The following ZNF577 variants were observed in gnomAD, a reference collection of about 807,000 sequenced individuals.
ZNF577 encodes the protein zinc finger protein 577.
Under a neutral mutation model 13.9 loss-of-function variants are expected in ZNF577, and 14 were observed. The observed-to-expected ratio is 1.00, with a 90% CI of 0.66 to 1.57. The LOEUF (loss-of-function observed/expected upper bound fraction) is 1.57. ZNF577 is among the 40% of genes most tolerant of loss of function. The pLI is 0.00. For missense variants in ZNF577, 555 were observed against 579.2 expected (o/e 0.96, Z 0.43); for synonymous variants, 203 against 202.9 (o/e 1.00, Z 0.00).
intron 10 of ZNF577, among the ~76,000 whole-genome samples, chr19:51,808,770 G>C (rs7253457): frequency 0.031 from 4,732 of 152,322 alleles, 263 homozygotes; most frequent in African/African-American, 0.11. Context: ...TACATGAATA[G>C]CTCTTAAATC....
At chr19:51,830,489 G>A (rs1411096093) in intron 9 of ZNF577, among the ~76,000 whole-genome samples, 1 of 152,132 alleles carries the variant, frequency 6.6e-6, no homozygotes, top group Non-Finnish European at 1.5e-5. Context: ...TCTTATCAAG[G>A]ACAACAGTGA....
intron 10 of ZNF577, among the ~76,000 whole-genome samples, chr19:51,808,683 A>G (rs1239406505): frequency 6.6e-6 from 1 of 152,218 alleles, no homozygotes; most frequent in African/African-American, 2.4e-5. Context: ...AAGATCTATT[A>G]CTACAAGAGG....
At position 51,883,888 on chromosome 19, in the gene ZNF577, C is replaced by G. The variant is rs187573828; in HGVS notation, c.-219+2933G>C. Reference sequence around the variant, plus strand: ...AAGAGTTCAAGACCAGCCTGGCCAACAGGAAGAAACCCCATCTCTACAAAA... The same window carrying G: ...AAGAGTTCAAGACCAGCCTGGCCAAGAGGAAGAAACCCCATCTCTACAAAA... On this transcript the variant is annotated intron_variant, in intron 1 of 5. Coordinates refer to ENST00000638348, the MANE Select transcript of ZNF577 (RefSeq NM_001370449.1). Among the ~76,000 whole-genome samples the G allele has an allele frequency of 1.1e-3, 161 of 152,140 alleles. 1 individual carries two copies. The highest frequency in any genetic ancestry group is 3.6e-3 in the African/African-American group (150 of 41,516).
chr19:51,857,400 AAGAAAGAAAGAAAGAAAGAAAG>A (rs2084441678), intron 5 of ZNF577, among the ~76,000 whole-genome samples: 1 of 123,912 alleles, frequency 8.1e-6, no homozygotes, highest in Admixed American at 8.1e-5. Flanking sequence ...GAAAGAAAGA[AAGAAAGAAAGAAAGAAAGAAAG>A]AAAGAAAAGA....
chr19:51,853,951 G>T (rs545530405), intron 5 of ZNF577, among the ~76,000 whole-genome samples: 11 of 151,160 alleles, frequency 7.3e-5, no homozygotes, highest in Admixed American at 4.6e-4. Flanking sequence ...ATAGAAGAGC[G>T]AGATAGATTA....
chr19:51,850,679 T>C (rs1026545875), intron 5 of ZNF577, among the ~76,000 whole-genome samples: 3 of 152,198 alleles, frequency 2.0e-5, no homozygotes, highest in African/African-American at 7.2e-5. Context: ...ATGAGAGTAA[T>C]CATGGGTATC....
At chr19:51,865,163 C>A (rs1341009063), downstream of ZNF577, among the ~76,000 whole-genome samples, 1 of 152,146 alleles carries the variant, frequency 6.6e-6, no homozygotes, top group African/African-American at 2.4e-5. Context: ...ATGGCGCAAT[C>A]TCAGCTCACT....
intron 9 of ZNF577, among the ~76,000 whole-genome samples, chr19:51,835,228 T>C (rs1049110442): frequency 7.2e-5 from 11 of 151,934 alleles, no homozygotes; most frequent in Non-Finnish European, 1.6e-4. Flanking sequence ...AAAGGAACAT[T>C]ATTACAGAGA....
chr19:51,831,154 T>C (rs2084259040), intron 9 of ZNF577, among the ~76,000 whole-genome samples: 1 of 152,152 alleles, frequency 6.6e-6, no homozygotes, highest in Non-Finnish European at 1.5e-5. Context: ...CTCACTCTGT[T>C]GTCCAGGCTG....
chr19:51,806,508 G>A (rs962324785), intron 10 of ZNF577, among the ~76,000 whole-genome samples: 1 of 152,166 alleles, frequency 6.6e-6, no homozygotes, highest in Non-Finnish European at 1.5e-5. Flanking sequence ...AGTTTTGATT[G>A]AGGTGGTAGT....
At chr19:51,857,365 G>GGAAGGAAAGAAAGAAAGAAAGAAAGAAA (rs1338621079) in intron 5 of ZNF577, among the ~76,000 whole-genome samples, 3 of 93,296 alleles carry the variant, frequency 3.2e-5, no homozygotes, top group African/African-American at 1.4e-4. Context: ...AAAGAAGGAA[G>GGAAGGAAAGAAAGAAAGAAAGAAAGAAA]GAAAGAAAGA....
chr19:51,864,801 G>A (rs2084541568), downstream of ZNF577, among the ~76,000 whole-genome samples: 1 of 152,150 alleles, frequency 6.6e-6, no homozygotes. Flanking sequence ...CCATGAAATC[G>A]AAGAGGTCAC....
intron 4 of ZNF577, chr19:51,877,826 T>C (rs997046771): frequency 1.3e-5 from 2 of 158,104 alleles, no homozygotes; most frequent in African/African-American, 2.4e-5. Flanking sequence ...CATAGCAACA[T>C]GATTCACAAG....
chr19:51,852,433 C>T (rs1178523041), intron 5 of ZNF577, among the ~76,000 whole-genome samples: 1 of 152,208 alleles, frequency 6.6e-6, no homozygotes, highest in Admixed American at 6.5e-5. Context: ...TGTCATGAAC[C>T]TCCAGACAGC....
chr19:51,870,322 C>T lies in ZNF577; in HGVS notation c.*2210G>A, dbSNP rs1367847777. On this transcript the variant is annotated 3_prime_UTR_variant, in exon 6 of 6. Transcript: ENST00000638348. ...GATGCCAGACATGGTCAATTACTGA[C>T]TGGTAGATTGCTTTCTATTTCTTTA... Among the ~76,000 whole-genome samples, 2 of 152,180 alleles carry T rather than the reference C, an allele frequency of 1.3e-5. No individual in the cohort carries two copies. The highest frequency in any genetic ancestry group is 2.9e-5 in the Non-Finnish European group (2 of 68,034).
chr19:51,857,416 A>AAGAGAG, intron 5 of ZNF577, among the ~76,000 whole-genome samples: 3 of 123,390 alleles, frequency 2.4e-5, no homozygotes, highest in Middle Eastern at 7.9e-3. Flanking sequence ...GAAAGAAAGA[A>AAGAGAG]AGAAAGAAAG....
chr19:51,884,601 A>T lies in ZNF577; in HGVS notation c.-219+2220T>A, dbSNP rs1212557915. On this transcript the variant is annotated intron_variant, in intron 1 of 5. Transcript: ENST00000638348. The stretch of plus-strand genomic sequence containing the variant: ...TCACAGAAAAAGTGAAGCCTCTCTA[A>T]CAATTATATAAAACCAGCATTTCCA... Among the ~76,000 whole-genome samples the T allele has an allele frequency of 2.0e-5, 3 of 152,202 alleles. No homozygotes were observed. The East Asian group carries it at 5.8e-4, about 29-fold the overall frequency.
chr19:51,836,256 G>A (rs2084286652), intron 9 of ZNF577, among the ~76,000 whole-genome samples: 1 of 152,192 alleles, frequency 6.6e-6, no homozygotes, highest in Admixed American at 6.5e-5. Flanking sequence ...TATTTCTGGA[G>A]TATCTGACTA....
chr19:51,816,108 T>C (rs768956751), intron 9 of ZNF577, among the ~76,000 whole-genome samples: 7 of 151,116 alleles, frequency 4.6e-5, no homozygotes, highest in Non-Finnish European at 1.0e-4. Context: ...TAGATGAGCT[T>C]CTTGAGTTGG....
Sources: allele counts gnomAD v4.1 joint callset (sites outside exome capture counted in the v4.1 genomes callset), GRCh38; gene constraint gnomAD v4.1.1; transcripts MANE v1.5; gene names NCBI Gene and HGNC (gene_info 2026-07-23, HGNC 2026-07-21).